IGF1R: variants seen among roughly 807,000 people sequenced by gnomAD.
IGF1R encodes insulin-like growth factor 1 receptor.
Under a neutral mutation model 144.6 loss-of-function variants are expected in IGF1R, and 44 were observed. The observed-to-expected ratio is 0.30, with a 90% CI of 0.24 to 0.39. IGF1R has a LOEUF of 0.39. Among genes scored for constraint, IGF1R ranks in the 10% least tolerant of loss-of-function variants. The probability of loss-of-function intolerance (pLI) is 1.00; values close to 1 mark genes in which losing one functional copy is unlikely to be tolerated. For synonymous variants in IGF1R, 795 were observed against 722.8 expected (o/e 1.10, Z -1.60); for missense variants, 1,355 against 1,833.7 (o/e 0.74, Z 4.77).
At chr15:98,734,327 C>T (rs961319645) in intron 2 of IGF1R, among the ~76,000 whole-genome samples, 16 of 152,146 alleles carry the variant, frequency 1.1e-4, no homozygotes, top group Admixed American at 1.0e-3. Context: ...TGGTTGGCTA[C>T]AAATGCATCC....
intron 1 of IGF1R, among the ~76,000 whole-genome samples, chr15:98,683,824 A>G (rs1027763919): frequency 6.6e-6 from 1 of 152,238 alleles, no homozygotes; most frequent in African/African-American, 2.4e-5. Flanking sequence ...AAATCGGGAC[A>G]TAATTCACCA....
At chr15:98,841,759 G>T (rs1271050671) in intron 2 of IGF1R, among the ~76,000 whole-genome samples, 1 of 152,172 alleles carries the variant, frequency 6.6e-6, no homozygotes, top group Non-Finnish European at 1.5e-5. Context: ...TCCCTTTCTC[G>T]TCTTTCTGGT....
chr15:98,882,753 G>A lies in IGF1R; in HGVS notation c.641-8572G>A, dbSNP rs2013444150. Reference sequence around the variant, plus strand: ...ACATTAGGAAGTTCACCCTTGTCTAGGCTTCCTGTTAGGAAGACAGCAGAC... The same window carrying A: ...ACATTAGGAAGTTCACCCTTGTCTAAGCTTCCTGTTAGGAAGACAGCAGAC... On this transcript the variant is annotated intron_variant, in intron 2 of 20. Transcript: ENST00000650285. 1.3e-5 allele frequency among the ~76,000 whole-genome samples: 2 copies of A among 152,176 alleles called. 1 individual carries two copies. Among genetic ancestry groups the A allele is most frequent in the South Asian group, 4.1e-4 (2 of 4,830 alleles).
intron 2 of IGF1R, among the ~76,000 whole-genome samples, chr15:98,824,395 A>G (rs2056854836): frequency 1.3e-5 from 2 of 152,114 alleles, no homozygotes; most frequent in Non-Finnish European, 2.9e-5. Flanking sequence ...TCTCACCTTC[A>G]GCTTTTCCTT....
At chr15:98,902,141 T>G (rs918593965) in intron 5 of IGF1R, among the ~76,000 whole-genome samples, 1 of 152,052 alleles carries the variant, frequency 6.6e-6, no homozygotes, top group Non-Finnish European at 1.5e-5. Flanking sequence ...GGGGTGGAGT[T>G]GAGAAATCCT....
intron 2 of IGF1R, among the ~76,000 whole-genome samples, chr15:98,710,078 G>A (rs889472910): frequency 6.6e-6 from 1 of 152,148 alleles, no homozygotes; most frequent in Non-Finnish European, 1.5e-5. Context: ...TAGGGCTGTT[G>A]GAAGATGAAA....
intron 1 of IGF1R, among the ~76,000 whole-genome samples, chr15:98,700,800 G>A (rs901733258): frequency 6.6e-6 from 1 of 152,070 alleles, no homozygotes; most frequent in African/African-American, 2.4e-5. Context: ...TTCCTGGCAA[G>A]ACCCTGCTCA....
intron 2 of IGF1R, among the ~76,000 whole-genome samples, chr15:98,758,119 T>C (rs2055200621): frequency 1.3e-5 from 2 of 152,194 alleles, no homozygotes; most frequent in South Asian, 4.1e-4. Flanking sequence ...TCCTTGCTCT[T>C]GGGCGCTCGC....
chr15:98,902,939 G>C (rs929059013), intron 5 of IGF1R, among the ~76,000 whole-genome samples: 1 of 152,096 alleles, frequency 6.6e-6, no homozygotes, highest in African/African-American at 2.4e-5. Flanking sequence ...TTTACATAGA[G>C]TAGAGCTCTT....
chr15:98,897,189 G>A (rs1480638364), intron 4 of IGF1R: 10 of 449,886 alleles, frequency 2.2e-5, no homozygotes, highest in East Asian at 2.2e-4. Flanking sequence ...GGCAAGCCCT[G>A]ACACATACAA....
At chr15:98,860,974 G>T (rs1240716888) in intron 2 of IGF1R, among the ~76,000 whole-genome samples, 1 of 152,106 alleles carries the variant, frequency 6.6e-6, no homozygotes, top group African/African-American at 2.4e-5. Flanking sequence ...GAAAGGTGAG[G>T]TATAAATGTG....
At chr15:98,715,151 C>CATATAA (rs970240647) in intron 2 of IGF1R, among the ~76,000 whole-genome samples, 2 of 152,188 alleles carry the variant, frequency 1.3e-5, no homozygotes, top group Non-Finnish European at 2.9e-5. Flanking sequence ...CTTTTATAGT[C>CATATAA]AGGCGTGGAG....
rs2014221804 is a variant in IGF1R at position 98,896,796 on chromosome 15, C to A, written c.993C>A (p.Val331=). The A allele has an allele frequency of 6.2e-7, 1 of 1,613,822 alleles. No homozygotes were observed. The stretch of plus-strand genomic sequence containing the variant: ...CTTGTGAAGGTCCTTGCCCGAAGGT[C>A]TGTGAGGAAGAAAAGAAAACAAAGA... ...CIPCEGPCPK[V]CEEEKKTKTI... Residue 331 remains valine (V), a synonymous_variant, in exon 4 of 21, where the codon GTC becomes GTA. Transcript: ENST00000650285.
At chr15:98,894,434 G>C (rs1000092452) in intron 3 of IGF1R, among the ~76,000 whole-genome samples, 1 of 152,158 alleles carries the variant, frequency 6.6e-6, no homozygotes, top group African/African-American at 2.4e-5. Flanking sequence ...TCCTATGATA[G>C]ATAGTTAGTT....
At chr15:98,896,342 C>T (rs963978498) in intron 3 of IGF1R, among the ~76,000 whole-genome samples, 8 of 152,272 alleles carry the variant, frequency 5.3e-5, no homozygotes, top group Non-Finnish European at 1.0e-4. Context: ...TCTCTCCTAG[C>T]GACTCCTCCA....
chr15:98,916,145 A>AG lies in IGF1R; in HGVS notation c.1996+15dup. Reference sequence around the variant, plus strand: ...ACTGCTCCAAAGGTAAGGGTGCAGCAGCGGCCTGGACGGAGGGTGTGACCG... The same window carrying AG: ...ACTGCTCCAAAGGTAAGGGTGCAGCAGGCGGCCTGGACGGAGGGTGTGACCG... On this transcript the variant is annotated intron_variant, in intron 9 of 20. Coordinates refer to ENST00000650285, the MANE Select transcript of IGF1R (RefSeq NM_000875.5). 1 of 1,613,954 alleles carries AG rather than the reference A, an allele frequency of 6.2e-7. No individual in the cohort carries two copies. Among genetic ancestry groups the AG allele is most frequent in the Non-Finnish European group, 8.5e-7 (1 of 1,179,860 alleles).
Position 98,913,043 on chromosome 15 carries a change from G to A in IGF1R, c.1590-1G>A. On this transcript the variant is annotated splice_acceptor_variant, in intron 7 of 20. Transcript: ENST00000650285. LOFTEE classifies it high-confidence loss of function. The stretch of plus-strand genomic sequence containing the variant: ...TTTCTCTGAACTTAATTGTCTTTCA[G>A]ACCCTTTAAGAATGTCACAGAGTAT... 1 of 1,608,858 alleles carries A rather than the reference G, an allele frequency of 6.2e-7. No individual in the cohort carries two copies. The highest frequency in any genetic ancestry group is 8.5e-7 in the Non-Finnish European group (1 of 1,175,264).
chr15:98,957,766 C>G lies in IGF1R; in HGVS notation c.*324C>G. 1 of 420,654 alleles carries G rather than the reference C, an allele frequency of 2.4e-6. No individual in the cohort carries two copies. 26.1% of individuals were successfully genotyped at this position (420,654 alleles called of 1,614,324 possible). ...TCTGTCCCTGTCCTTCCCTGTTCTC[C>G]CTTTCTCTCTCCTCTCTGCTTCATA... On this transcript the variant is annotated 3_prime_UTR_variant, in exon 21 of 21. Coordinates refer to ENST00000650285, the MANE Select transcript of IGF1R (RefSeq NM_000875.5).
chr15:98,840,409 A>G (rs1354499225), intron 2 of IGF1R, among the ~76,000 whole-genome samples: 1 of 152,222 alleles, frequency 6.6e-6, no homozygotes, highest in Non-Finnish European at 1.5e-5. Flanking sequence ...ATCTTCAGAA[A>G]AGAAGAAAAG....
Sources: gnomAD v4.1 joint callset for allele counts (sites outside exome capture counted in the v4.1 genomes callset) on GRCh38, gnomAD v4.1.1 for gene constraint, MANE v1.5 for transcripts, NCBI Gene and HGNC (gene_info 2026-07-23, HGNC 2026-07-21) for gene names.